Variants in CHD5 observed in about 807,000 individuals in gnomAD.
CHD5 encodes chromodomain helicase DNA binding protein 5.
In CHD5, 69 loss-of-function variants were observed where a neutral mutation model predicts 230.3. That is an observed-to-expected ratio of 0.30 (90% CI 0.25 to 0.37). The LOEUF is 0.37. Ranked by LOEUF, CHD5 falls within the 10% of genes least tolerant of loss-of-function variation. The probability of loss-of-function intolerance (pLI) is 1.00; values close to 1 mark genes in which losing one functional copy is unlikely to be tolerated. For missense variants in CHD5, 1,827 were observed against 2,622.8 expected, an observed-to-expected ratio of 0.70 and a Z score of 6.63; for synonymous variants, 1,064 against 1,065.9, an observed-to-expected ratio of 1.00 and a Z score of 0.03.
chr1:6,119,483 A>G (rs894595392), intron 33 of CHD5, among the ~76,000 whole-genome samples: 1 of 152,236 alleles, frequency 6.6e-6, no homozygotes, highest in Non-Finnish European at 1.5e-5. Flanking sequence ...CAAGAAAAAT[A>G]TTAAAAACCT....
Position 6,105,417 on chromosome 1 carries a change from G to A in CHD5, c.*57C>T, listed in dbSNP as rs776719954. 54 of 470,640 alleles carry A rather than the reference G, an allele frequency of 1.1e-4. No individual in the cohort carries two copies. The highest frequency in any genetic ancestry group is 4.0e-4 in the Admixed American group (17 of 42,504). 29.2% of individuals were successfully genotyped at this position (470,640 alleles called of 1,614,324 possible). On this transcript the variant is annotated 3_prime_UTR_variant, in exon 42 of 42. Transcript: ENST00000262450. The surrounding 1 kb of genome is among the most constrained non-coding windows in gnomAD (Gnocchi z 4.8). ...CCCATGTGGGTCGGGCAGGTGGCCC[G>A]GCAGGCGTGGCTGCAAAACGCAAAT... is the stretch of plus-strand genomic sequence containing the variant.
At position 6,134,575 on chromosome 1, in the gene CHD5, G is replaced by A. The variant is rs1666710004; in HGVS notation, c.3012+143C>T. On this transcript the variant is annotated intron_variant, in intron 19 of 41. Coordinates refer to ENST00000262450, the MANE Select transcript of CHD5 (RefSeq NM_015557.3). The surrounding 1 kb of genome is among the most constrained non-coding windows in gnomAD (Gnocchi z 6.3). ...CACAGGCAACCTTCCATGATGGCCA[G>A]GGAAACCTACCATGACAGCCACAGA... 8 of 962,766 alleles carry A rather than the reference G, an allele frequency of 8.3e-6. No individual in the cohort carries two copies. Among genetic ancestry groups the A allele is most frequent in the Non-Finnish European group, 1.3e-5 (8 of 619,632 alleles). The allele number at this position is 962,766 out of a possible 1,614,324, so 59.6% of individuals were successfully genotyped here.
At chr1:6,133,958 C>T (rs11121299) in intron 20 of CHD5, among the ~76,000 whole-genome samples, 170 bp downstream of exon 20, 41,471 of 152,056 alleles carry the variant, frequency 0.27, 6,877 homozygotes, top group East Asian at 0.66. Flanking sequence ...GCTCCTCAGC[C>T]GCATTATGCC....
Position 6,106,283 on chromosome 1 carries a change from G to C in CHD5, c.5862C>G (p.Ile1954Met), listed in dbSNP as rs767845383. The change falls in exon 41 of 42, where the codon ATC (isoleucine) becomes ATG (methionine). Residue 1954 changes from isoleucine (I) to methionine (M), a missense_variant. Transcript: ENST00000262450. ...QMPLGPYVTDI is the reference protein window; with the variant it reads ...QMPLGPYVTDM ...CACAGGGAAGTCTCGAGGACGGCTA[G>C]ATATCTGTCAAAAAAAGAGGAGAGC... The C allele has an allele frequency of 1.9e-6, 3 of 1,612,826 alleles. No homozygotes were observed. The highest frequency in any genetic ancestry group is 2.5e-6 in the Non-Finnish European group (3 of 1,179,984).
intron 1 of CHD5, among the ~76,000 whole-genome samples, chr1:6,170,505 G>A (rs1667320446): frequency 6.6e-6 from 1 of 152,186 alleles, no homozygotes; most frequent in Non-Finnish European, 1.5e-5. Flanking sequence ...ACCAGTGGAA[G>A]GTGTTTGCAC....
chr1:6,147,024 C>T (rs1224337155), intron 9 of CHD5, among the ~76,000 whole-genome samples, 153 bp from the exon 10 acceptor site: 1 of 152,190 alleles, frequency 6.6e-6, no homozygotes, highest in East Asian at 1.9e-4. Context: ...ACATCCACCC[C>T]GTCCCCAGGA....
intron 25 of CHD5, chr1:6,127,001 A>C: frequency 1.9e-6 from 1 of 532,074 alleles, no homozygotes; most frequent in South Asian, 2.1e-5. Flanking sequence ...CCTGTCAAGC[A>C]CTGAGGTACT....
intron 33 of CHD5, among the ~76,000 whole-genome samples, chr1:6,116,943 A>C (rs1007292571): frequency 3.3e-5 from 5 of 152,216 alleles, no homozygotes; most frequent in Non-Finnish European, 7.3e-5. Context: ...AACTGAAACT[A>C]AAATACTGGG....
rs563395866 is a variant in CHD5 at position 6,177,953 on chromosome 1, T to G, written c.79+1992A>C. Among the ~76,000 whole-genome samples the G allele has an allele frequency of 2.8e-4, 42 of 152,192 alleles. No homozygotes were observed. The South Asian group carries it at 8.3e-3, about 30-fold the overall frequency. ...CTTGGGTTCACGAGGTGACCCCAGCTGCTGTGCAGTGGGTGGTCAGAAGGA... is the reference window on the plus strand; with the variant it reads ...CTTGGGTTCACGAGGTGACCCCAGCGGCTGTGCAGTGGGTGGTCAGAAGGA... On this transcript the variant is annotated intron_variant, in intron 1 of 41. Transcript: ENST00000262450.
At chr1:6,133,882 C>T (rs1349028032) in intron 20 of CHD5, among the ~76,000 whole-genome samples, 1 of 152,160 alleles carries the variant, frequency 6.6e-6, no homozygotes, top group East Asian at 1.9e-4. Flanking sequence ...GTCCTACCAG[C>T]CTGGACATGC....
chr1:6,157,193 C>T (rs1667093273), intron 3 of CHD5, among the ~76,000 whole-genome samples: 1 of 152,202 alleles, frequency 6.6e-6, no homozygotes, highest in Non-Finnish European at 1.5e-5. Flanking sequence ...GTACACACCA[C>T]TCCTAGGCCA....
chr1:6,106,569 G>C (rs767157585), intron 39 of CHD5, 47 bp downstream of exon 39: 1 of 1,550,920 alleles, frequency 6.4e-7, no homozygotes, highest in Non-Finnish European at 8.7e-7. Context: ...CCTCCACCCA[G>C]GGGCACGCCA....
In CHD5 at chr1:6,152,648, TC is replaced by T. The variant is rs567009046; in HGVS notation, c.746-113del. 2.3e-3 allele frequency: 3,534 copies of T among 1,525,924 alleles called. 27 individuals carry two copies. The highest frequency in any genetic ancestry group is 5.4e-3 in the South Asian group (436 of 80,362). 94.5% of individuals were successfully genotyped at this position (1,525,924 alleles called of 1,614,324 possible). On this transcript the variant is annotated intron_variant, in intron 5 of 41. Transcript: ENST00000262450. ...AATAAGGAAAGGGTCATTTCTACCA[TC>T]ACCCCGTTTCAGATGAGATGCCTGA...
intron 20 of CHD5, among the ~76,000 whole-genome samples, chr1:6,133,621 AG>A (rs1666692732): frequency 6.6e-6 from 1 of 152,256 alleles, no homozygotes; most frequent in Non-Finnish European, 1.5e-5. Context: ...GCTTGAGGAC[AG>A]GGACTAGATC....
chr1:6,110,129 G>T, intron 37 of CHD5, 139 bp from the exon 38 acceptor site: 2 of 959,286 alleles, frequency 2.1e-6, no homozygotes, highest in East Asian at 2.7e-5. Context: ...GCCCACCCTG[G>T]CCTGGTGGTG....
rs1045152414 is a variant in CHD5 at position 6,128,757 on chromosome 1, G to A, written c.3619+81C>T. ...GAGAGGCTGTGTGTTGGAGCGGGCAGGGACCCAAGCAAGCCCTGGATGGGT... is the reference window on the plus strand; with the variant it reads ...GAGAGGCTGTGTGTTGGAGCGGGCAAGGACCCAAGCAAGCCCTGGATGGGT... On this transcript the variant is annotated intron_variant, in intron 23 of 41. Transcript: ENST00000262450. This position sits in a 1 kb window ranked among gnomAD's most constrained non-coding sequence, Gnocchi z 7.8. 10 of 1,344,714 alleles carry A rather than the reference G, an allele frequency of 7.4e-6. No individual in the cohort carries two copies. In the African/African-American group the frequency reaches 1.4e-4, roughly 19 times the overall value. The allele number at this position is 1,344,714 out of a possible 1,614,324, so 83.3% of individuals were successfully genotyped here. A position where few individuals can be genotyped will look rare whatever the true frequency, so the allele number is the denominator to read the frequency against.
At chr1:6,168,303 G>A in intron 1 of CHD5, 26 bp from the exon 2 acceptor site, 1 of 1,582,282 alleles carries the variant, frequency 6.3e-7, no homozygotes, top group Non-Finnish European at 8.6e-7. Context: ...GGTGGCAGCA[G>A]TTACTCCTGA....
intron 20 of CHD5, 136 bp downstream of exon 20, chr1:6,133,992 A>G: frequency 2.5e-6 from 2 of 810,056 alleles, no homozygotes; most frequent in Admixed American, 2.5e-5. Context: ...GTGACCCCTG[A>G]CACACAGTCA....
chr1:6,178,443 C>G (rs1667458313), intron 1 of CHD5, among the ~76,000 whole-genome samples: 2 of 152,142 alleles, frequency 1.3e-5, no homozygotes, highest in Admixed American at 6.5e-5. Context: ...AACACCATAA[C>G]AAACAACTTG....
Sources: allele counts gnomAD v4.1 joint callset (sites outside exome capture counted in the v4.1 genomes callset), GRCh38; gene constraint gnomAD v4.1.1; non-coding constraint Gnocchi (gnomAD v3.1); transcripts MANE v1.5; gene names NCBI Gene and HGNC (gene_info 2026-07-23, HGNC 2026-07-21).